EPHA6: variants seen among roughly 807,000 people sequenced by gnomAD.
EPHA6 encodes the protein EPH receptor A6.
EPHA6 carries 50 observed loss-of-function variants against 112.0 expected under a neutral mutation model. The observed-to-expected ratio is 0.45, with a 90% CI of 0.36 to 0.56. The LOEUF (loss-of-function observed/expected upper bound fraction) is 0.56. Among genes scored for constraint, EPHA6 ranks in the 20% least tolerant of loss-of-function variants. The pLI is 0.00. For missense variants in EPHA6, 1,280 were observed against 1,417.4 expected (o/e 0.90, Z 1.56); for synonymous variants, 529 against 490.7 (o/e 1.08, Z -1.03).
At chr3:97,233,527 A>G (rs1031784580) in intron 4 of EPHA6, among the ~76,000 whole-genome samples, 10 of 152,142 alleles carry the variant, frequency 6.6e-5, no homozygotes, top group African/African-American at 2.2e-4. Flanking sequence ...CATTAACCAC[A>G]AACAGTAGCA....
chr3:97,520,888 A>AT (rs1215554312), intron 10 of EPHA6, among the ~76,000 whole-genome samples: 2 of 152,024 alleles, frequency 1.3e-5, no homozygotes, highest in Non-Finnish European at 2.9e-5. Flanking sequence ...AGCCTTTATT[A>AT]TTTTTTATTG....
chr3:97,528,002 C>T lies in EPHA6; in HGVS notation c.2201-4356C>T, dbSNP rs75955754. On this transcript the variant is annotated intron_variant, in intron 10 of 17. Coordinates refer to ENST00000389672, the MANE Select transcript of EPHA6 (RefSeq NM_001080448.3). ...TTGGGCCTTAATCTTAGGACTCGCA[C>T]CATAGTATATTAATGAATCTTAGCT... 5.2e-3 allele frequency among the ~76,000 whole-genome samples: 794 copies of T among 151,962 alleles called. 7 individuals are homozygous for T. Among genetic ancestry groups the T allele is most frequent in the African/African-American group, 0.017 (724 of 41,452 alleles).
At chr3:97,664,084 A>G (rs2094189110) in intron 14 of EPHA6, among the ~76,000 whole-genome samples, 1 of 152,208 alleles carries the variant, frequency 6.6e-6, no homozygotes, top group Non-Finnish European at 1.5e-5. Context: ...TCTGATGACC[A>G]GTGATGATGA....
At chr3:97,069,508 G>A (rs367767909) in intron 3 of EPHA6, among the ~76,000 whole-genome samples, 5 of 152,078 alleles carry the variant, frequency 3.3e-5, no homozygotes, top group Admixed American at 2.0e-4. Context: ...TTGTTATTTA[G>A]ATAAGTCATT....
At position 97,525,182 on chromosome 3, in the gene EPHA6, T is replaced by G. The variant is rs564208934; in HGVS notation, c.2201-7176T>G. 5.3e-5 allele frequency among the ~76,000 whole-genome samples: 8 copies of G among 152,252 alleles called. No individual in the cohort carries two copies. The South Asian group carries it at 1.5e-3, about 28-fold the overall frequency. Reference sequence around the variant, plus strand: ...TATCCCTACACTTTCTTCACTCTTTTTTGATCTTTTTTTAATTCCTCTAAT... The same window carrying G: ...TATCCCTACACTTTCTTCACTCTTTGTTGATCTTTTTTTAATTCCTCTAAT... On this transcript the variant is annotated intron_variant, in intron 10 of 17. Coordinates refer to ENST00000389672, the MANE Select transcript of EPHA6 (RefSeq NM_001080448.3).
chr3:97,549,464 C>T lies in EPHA6; in HGVS notation c.2386+16921C>T, dbSNP rs540846439. Among the ~76,000 whole-genome samples, 9 of 152,224 alleles carry T rather than the reference C, an allele frequency of 5.9e-5. No homozygotes were observed. The South Asian group carries it at 1.5e-3, about 25-fold the overall frequency. On this transcript the variant is annotated intron_variant, in intron 11 of 17. Coordinates refer to ENST00000389672, the MANE Select transcript of EPHA6 (RefSeq NM_001080448.3). ...TAGCTATGATCTTGAAGAATAAGAA[C>T]AAAATGTCAGAATCTGTTAAAGGAT...
chr3:97,023,298 C>A (rs1001755067), intron 3 of EPHA6, among the ~76,000 whole-genome samples: 4 of 152,078 alleles, frequency 2.6e-5, no homozygotes, highest in African/African-American at 9.7e-5. Flanking sequence ...CCAGGATGGT[C>A]TCGATCTCCT....
chr3:97,173,656 G>A (rs1038113465), intron 3 of EPHA6, among the ~76,000 whole-genome samples: 7 of 151,822 alleles, frequency 4.6e-5, no homozygotes, highest in African/African-American at 1.7e-4. Context: ...AGTGGAATCT[G>A]TAATGTATAC....
At chr3:97,179,689 CT>C (rs2076931081) in intron 3 of EPHA6, among the ~76,000 whole-genome samples, 1 of 149,028 alleles carries the variant, frequency 6.7e-6, no homozygotes, top group Non-Finnish European at 1.5e-5. Context: ...GACTCTTATT[CT>C]TTTTTACTTT....
At chr3:96,952,144 A>G (rs1020360102) in intron 2 of EPHA6, among the ~76,000 whole-genome samples, 6 of 152,102 alleles carry the variant, frequency 3.9e-5, no homozygotes, top group Non-Finnish European at 8.8e-5. Context: ...AGCATTCCTC[A>G]CTACACCCAT....
At chr3:96,848,825 T>G (rs1231647261) in intron 1 of EPHA6, among the ~76,000 whole-genome samples, 5 of 152,172 alleles carry the variant, frequency 3.3e-5, no homozygotes, top group Non-Finnish European at 7.4e-5. Context: ...TTAGGTCATC[T>G]GAATAGCTTT....
chr3:97,058,579 G>C lies in EPHA6; in HGVS notation c.1114+70586G>C, dbSNP rs144591239. 4.6e-5 allele frequency among the ~76,000 whole-genome samples: 7 copies of C among 152,276 alleles called. No individual in the cohort carries two copies. The South Asian group carries it at 6.2e-4, about 14-fold the overall frequency. ...GGCCTCCCAAAGTGCTGGGATTACAGGTGTGAGCCACCATGCCCGGCCTGG... is the reference window on the plus strand; with the variant it reads ...GGCCTCCCAAAGTGCTGGGATTACACGTGTGAGCCACCATGCCCGGCCTGG... On this transcript the variant is annotated intron_variant, in intron 3 of 17. Transcript: ENST00000389672.
At chr3:96,860,154 T>C (rs1406498437) in intron 1 of EPHA6, among the ~76,000 whole-genome samples, 2 of 152,126 alleles carry the variant, frequency 1.3e-5, no homozygotes, top group Non-Finnish European at 2.9e-5. Flanking sequence ...TAAAATCAGG[T>C]AACATTTCTT....
At chr3:97,628,904 A>G (rs1287413636) in intron 13 of EPHA6, among the ~76,000 whole-genome samples, 1 of 151,986 alleles carries the variant, frequency 6.6e-6, no homozygotes, top group Non-Finnish European at 1.5e-5. Context: ...GTGGAAAAGA[A>G]GAAAATTGCA....
intron 10 of EPHA6, among the ~76,000 whole-genome samples, chr3:97,510,951 G>A (rs761442258): frequency 9.2e-5 from 14 of 152,178 alleles, no homozygotes; most frequent in East Asian, 5.8e-4. Flanking sequence ...GGTGGGCTCC[G>A]CCCAGTTTAC....
chr3:97,551,209 C>T (rs1488813012), intron 11 of EPHA6, among the ~76,000 whole-genome samples: 2 of 152,082 alleles, frequency 1.3e-5, no homozygotes, highest in Non-Finnish European at 2.9e-5. Context: ...TTTATATTCC[C>T]CCACATTATC....
chr3:97,665,510 G>A (rs1321194377), intron 14 of EPHA6, among the ~76,000 whole-genome samples: 2 of 152,084 alleles, frequency 1.3e-5, no homozygotes, highest in South Asian at 2.1e-4. Context: ...GTTCAGACAT[G>A]TTATCAGCAT....
intron 5 of EPHA6, among the ~76,000 whole-genome samples, chr3:97,373,472 C>A (rs2085180889): frequency 1.3e-5 from 2 of 152,148 alleles, no homozygotes; most frequent in South Asian, 4.1e-4. Context: ...ACATTCAATT[C>A]TTTGCTAATA....
At chr3:97,032,352 G>T (rs555677988) in intron 3 of EPHA6, among the ~76,000 whole-genome samples, 2 of 152,162 alleles carry the variant, frequency 1.3e-5, no homozygotes, top group East Asian at 3.9e-4. Context: ...AATGCTAAAT[G>T]ACGAGTTAAT....
Sources: allele counts gnomAD v4.1 joint callset (sites outside exome capture counted in the v4.1 genomes callset), GRCh38; gene constraint gnomAD v4.1.1; transcripts MANE v1.5; gene names NCBI Gene and HGNC (gene_info 2026-07-23, HGNC 2026-07-21).